Variants in SYNDIG1 observed in about 807,000 individuals in gnomAD.
SYNDIG1 encodes synapse differentiation-inducing gene protein 1.
A neutral mutation model predicts 19.4 loss-of-function variants in SYNDIG1; 9 were observed. The observed-to-expected ratio is 0.46, with a 90% CI of 0.28 to 0.81. The LOEUF is 0.81. Among genes scored for constraint, SYNDIG1 ranks in the 30% least tolerant of loss-of-function variants. SYNDIG1 has a pLI of 0.12. For synonymous variants in SYNDIG1, 141 were observed against 145.9 expected, an observed-to-expected ratio of 0.97 and a Z score of 0.24; for missense variants, 311 against 343.3, an observed-to-expected ratio of 0.91 and a Z score of 0.74.
At chr20:24,472,552 G>A (rs140769841) in intron 1 of SYNDIG1, among the ~76,000 whole-genome samples, 44 of 152,230 alleles carry the variant, frequency 2.9e-4, no homozygotes, top group African/African-American at 9.2e-4. Context: ...GGCACTAGTC[G>A]GTGCTATTCT....
At chr20:24,474,635 A>C (rs935256440) in intron 1 of SYNDIG1, among the ~76,000 whole-genome samples, 1 of 152,224 alleles carries the variant, frequency 6.6e-6, no homozygotes, top group Non-Finnish European at 1.5e-5. Flanking sequence ...TGTCAATAAC[A>C]TTCATTTTTA....
chr20:24,641,154 T>C (rs767377755), intron 3 of SYNDIG1, among the ~76,000 whole-genome samples: 2 of 152,246 alleles, frequency 1.3e-5, no homozygotes, highest in African/African-American at 2.4e-5. Context: ...CTATGTGATC[T>C]TGGATAAAGT....
rs2059641526 is a variant in SYNDIG1 at position 24,665,638 on chromosome 20, T to G, written c.*134T>G. On this transcript the variant is annotated 3_prime_UTR_variant, in exon 4 of 4. Coordinates refer to ENST00000376862, the MANE Select transcript of SYNDIG1 (RefSeq NM_024893.3). ...ACGAAGCCCTGGGATTTCCTACCCATGGATTTATTTTGTTTTTATCCTTTA... is the reference window on the plus strand; with the variant it reads ...ACGAAGCCCTGGGATTTCCTACCCAGGGATTTATTTTGTTTTTATCCTTTA... The G allele has an allele frequency of 3.0e-6, 4 of 1,312,102 alleles. No homozygotes were observed. Among genetic ancestry groups the G allele is most frequent in the Non-Finnish European group, 3.1e-6 (3 of 958,004 alleles). 81.3% of individuals were successfully genotyped at this position (1,312,102 alleles called of 1,614,324 possible). A position where few individuals can be genotyped will look rare whatever the true frequency, so the allele number is the denominator to read the frequency against.
intron 3 of SYNDIG1, among the ~76,000 whole-genome samples, chr20:24,625,549 G>A (rs1054750999): frequency 6.6e-6 from 1 of 151,962 alleles, no homozygotes; most frequent in Non-Finnish European, 1.5e-5. Context: ...CTTGAGATTA[G>A]GGAGTGATGA....
intron 2 of SYNDIG1, among the ~76,000 whole-genome samples, chr20:24,582,232 C>G (rs1455945566): frequency 8.3e-6 from 1 of 120,026 alleles, no homozygotes. Context: ...TTTATATCCT[C>G]CCCACTGCAC....
rs559146385 is a variant in SYNDIG1 at position 24,601,988 on chromosome 20, T to G, written c.618+16995T>G. 2.3e-3 allele frequency among the ~76,000 whole-genome samples: 183 copies of G among 80,152 alleles called. 1 individual carries two copies. Among genetic ancestry groups the G allele is most frequent in the Admixed American group, 7.0e-3 (41 of 5,828 alleles). The allele number at this position is 80,152 out of a possible 152,430, so 52.6% of individuals were successfully genotyped here. ...TTCTGCCAAACCCATTATAATATTG[T>G]TTTTTTTTTTTATTTTCCAGTTCTA... On this transcript the variant is annotated intron_variant, in intron 3 of 3. Transcript: ENST00000376862.
At chr20:24,549,691 G>T (rs758897662) in intron 2 of SYNDIG1, among the ~76,000 whole-genome samples, 2 of 152,186 alleles carry the variant, frequency 1.3e-5, no homozygotes, top group African/African-American at 2.4e-5. Flanking sequence ...TTGCCTTTTC[G>T]CAAGGACAGA....
chr20:24,571,832 A>G (rs2058149483), intron 2 of SYNDIG1, among the ~76,000 whole-genome samples: 1 of 152,194 alleles, frequency 6.6e-6, no homozygotes, highest in Non-Finnish European at 1.5e-5. Context: ...TTTTGAAGAA[A>G]CAGACATTGA....
At chr20:24,584,684 G>A (rs1409769454) in intron 2 of SYNDIG1, among the ~76,000 whole-genome samples, 172 bp from the exon 3 acceptor site, 1 of 152,170 alleles carries the variant, frequency 6.6e-6, no homozygotes, top group Non-Finnish European at 1.5e-5. Context: ...TGCCCTTCCT[G>A]GGAGGCTGTG....
chr20:24,471,702 G>A (rs1360935822), intron 1 of SYNDIG1, among the ~76,000 whole-genome samples: 12 of 151,544 alleles, frequency 7.9e-5, no homozygotes, highest in East Asian at 3.9e-4. Context: ...ACAGAGAATA[G>A]CACTGAAGCT....
chr20:24,661,557 A>AGAGGG (rs2059602507), intron 3 of SYNDIG1, among the ~76,000 whole-genome samples: 2 of 37,952 alleles, frequency 5.3e-5, no homozygotes, highest in Non-Finnish European at 1.1e-4. Context: ...GGGAGGAAAA[A>AGAGGG]AGAGAGGAAG....
chr20:24,552,505 T>A (rs2057724457), intron 2 of SYNDIG1, among the ~76,000 whole-genome samples: 1 of 152,024 alleles, frequency 6.6e-6, no homozygotes, highest in South Asian at 2.1e-4. Flanking sequence ...CCCCTTCCTG[T>A]GTCCATGTGT....
chr20:24,541,209 AG>A (rs1302193136), intron 1 of SYNDIG1, among the ~76,000 whole-genome samples: 4 of 152,354 alleles, frequency 2.6e-5, no homozygotes, highest in Admixed American at 2.6e-4. Flanking sequence ...CGTGACTTTT[AG>A]TAAAAAGTGT....
chr20:24,488,715 C>T (rs1260166017), intron 1 of SYNDIG1, among the ~76,000 whole-genome samples: 1 of 152,188 alleles, frequency 6.6e-6, no homozygotes, highest in African/African-American at 2.4e-5. Context: ...CACGGTGTCT[C>T]ATTGATGAGC....
intron 3 of SYNDIG1, among the ~76,000 whole-genome samples, chr20:24,615,701 C>T (rs2058920519): frequency 1.3e-5 from 2 of 152,110 alleles, no homozygotes; most frequent in Admixed American, 1.3e-4. Flanking sequence ...GAAACAGGCG[C>T]CCAATGGAAG....
At chr20:24,583,190 A>G (rs553009186) in intron 2 of SYNDIG1, among the ~76,000 whole-genome samples, 1 of 152,332 alleles carries the variant, frequency 6.6e-6, no homozygotes, top group East Asian at 1.9e-4. Flanking sequence ...GGGCCTTCCC[A>G]GCTTCTGCTA....
At position 24,658,615 on chromosome 20, in the gene SYNDIG1, C is replaced by T. The variant is rs1455555348; in HGVS notation, c.619-6731C>T. Among the ~76,000 whole-genome samples, 4 of 151,686 alleles carry T rather than the reference C, an allele frequency of 2.6e-5. No individual in the cohort carries two copies. The highest frequency in any genetic ancestry group is 5.9e-5 in the Non-Finnish European group (4 of 67,878). On this transcript the variant is annotated intron_variant, in intron 3 of 3. Coordinates refer to ENST00000376862, the MANE Select transcript of SYNDIG1 (RefSeq NM_024893.3). This position sits in a 1 kb window ranked among gnomAD's most constrained non-coding sequence, Gnocchi z 4.4. Reference sequence around the variant, plus strand: ...GAACCGTGTGGAGTATGACCCCCCACCCCCACCCCCCGGCGATTCACTGAA... The same window carrying T: ...GAACCGTGTGGAGTATGACCCCCCATCCCCACCCCCCGGCGATTCACTGAA...
chr20:24,548,130 T>C (rs992556663), intron 2 of SYNDIG1, among the ~76,000 whole-genome samples: 1 of 152,192 alleles, frequency 6.6e-6, no homozygotes, highest in African/African-American at 2.4e-5. Flanking sequence ...GGTGCTGTCC[T>C]CATCCTACAC....
intron 3 of SYNDIG1, among the ~76,000 whole-genome samples, chr20:24,661,745 G>A (rs926344626): frequency 6.6e-6 from 1 of 152,018 alleles, no homozygotes; most frequent in African/African-American, 2.4e-5. Flanking sequence ...GGGCAGCCTG[G>A]CCACTCCCCC....
Sources: allele counts gnomAD v4.1 joint callset (sites outside exome capture counted in the v4.1 genomes callset), GRCh38; gene constraint gnomAD v4.1.1; non-coding constraint Gnocchi (gnomAD v3.1); transcripts MANE v1.5; gene names NCBI Gene and HGNC (gene_info 2026-07-23, HGNC 2026-07-21).